The following OSBP variants were observed in gnomAD, a reference collection of about 807,000 sequenced individuals.
OSBP encodes the protein oxysterol-binding protein 1.
OSBP carries 32 observed loss-of-function variants against 96.6 expected under a neutral mutation model. That is an observed-to-expected ratio of 0.33 (90% CI 0.25 to 0.45). OSBP has a LOEUF of 0.45. Among genes scored for constraint, OSBP ranks in the 20% least tolerant of loss-of-function variants. The probability of loss-of-function intolerance (pLI) is 1.00; values close to 1 mark genes in which losing one functional copy is unlikely to be tolerated. For synonymous variants in OSBP, 369 were observed against 389.6 expected, an observed-to-expected ratio of 0.95 and a Z score of 0.62; for missense variants, 653 against 1,029.7, an observed-to-expected ratio of 0.63 and a Z score of 5.01.
intron 8 of OSBP, 94 bp from the exon 9 acceptor site, chr11:59,593,818 C>T (rs887714657): frequency 7.8e-6 from 12 of 1,529,748 alleles, no homozygotes; most frequent in Middle Eastern, 2.0e-4. Context: ...TCACACTTGA[C>T]GTTTTTACAC....
chr11:59,588,669 AATGGGTAAGGTGCTAAATTTT>A (rs1860533428), intron 9 of OSBP, among the ~76,000 whole-genome samples: 2 of 152,186 alleles, frequency 1.3e-5, no homozygotes, highest in Admixed American at 1.3e-4. Flanking sequence ...TACACTTAAG[AATGGGTAAGGTGCTAAATTTT>A]ATGTTATGTG....
chr11:59,576,514 G>T lies in OSBP; in HGVS notation c.*63C>A. 1 of 1,538,770 alleles carries T rather than the reference G, an allele frequency of 6.5e-7. No individual in the cohort carries two copies. Among genetic ancestry groups the T allele is most frequent in the Non-Finnish European group, 8.8e-7 (1 of 1,137,256 alleles). On this transcript the variant is annotated 3_prime_UTR_variant, in exon 14 of 14. Transcript: ENST00000263847. ...CTTGGTAAGAGAGTCACAACTTCCA[G>T]CTTTCCCACACATCCTCTGTCCTCT...
chr11:59,582,526 C>T (rs1314573777), intron 9 of OSBP, among the ~76,000 whole-genome samples: 1 of 152,120 alleles, frequency 6.6e-6, no homozygotes, highest in Non-Finnish European at 1.5e-5. Context: ...TTTGGCTGGC[C>T]CTGATTTGTA....
intron 1 of OSBP, among the ~76,000 whole-genome samples, chr11:59,611,339 T>C (rs1860845110): frequency 6.6e-6 from 1 of 152,138 alleles, no homozygotes; most frequent in Non-Finnish European, 1.5e-5. Context: ...CCTTTTGCAG[T>C]CAGGAATTAT....
chr11:59,586,277 C>T (rs1342582071), intron 9 of OSBP, among the ~76,000 whole-genome samples: 1 of 150,728 alleles, frequency 6.6e-6, no homozygotes, highest in South Asian at 2.1e-4. Context: ...TTCTATTATA[C>T]ATTAACAATG....
Position 59,615,718 on chromosome 11 carries a change from C to G in OSBP, c.-54G>C, listed in dbSNP as rs1392951600. On this transcript the variant is annotated 5_prime_UTR_variant, in exon 1 of 14. Transcript: ENST00000263847. ...CGGAACCGCCTACGAGAGCCGCCGT[C>G]GCCGCCCGGAGCGCCCCACACGGCT... 8.0e-7 allele frequency: 1 copy of G among 1,253,660 alleles called. No individual in the cohort carries two copies. The highest frequency in any genetic ancestry group is 1.0e-6 in the Non-Finnish European group (1 of 999,600). 77.7% of individuals were successfully genotyped at this position (1,253,660 alleles called of 1,614,324 possible). A position where few individuals can be genotyped will look rare whatever the true frequency, so the allele number is the denominator to read the frequency against.
chr11:59,597,132 C>T (rs1203004964), intron 7 of OSBP, among the ~76,000 whole-genome samples: 1 of 152,086 alleles, frequency 6.6e-6, no homozygotes, highest in Non-Finnish European at 1.5e-5. Flanking sequence ...AATCTTGGCT[C>T]ACTGCAATCT....
Position 59,576,476 on chromosome 11 carries a change from C to T in OSBP, c.*101G>A, listed in dbSNP as rs1415478594. ...AAAATGATTGGTCAAGAGAGACAAA[C>T]TTGAGGAAAGCACTTGGTAAGAGAG... On this transcript the variant is annotated 3_prime_UTR_variant, in exon 14 of 14. Transcript: ENST00000263847. The T allele has an allele frequency of 6.8e-6, 9 of 1,326,298 alleles. No homozygotes were observed. The highest frequency in any genetic ancestry group is 5.8e-5 in the African/African-American group (4 of 68,496). 82.2% of individuals were successfully genotyped at this position (1,326,298 alleles called of 1,614,324 possible).
At chr11:59,603,536 T>G (rs1323217845) in intron 3 of OSBP, among the ~76,000 whole-genome samples, 10 of 146,586 alleles carry the variant, frequency 6.8e-5, no homozygotes, top group South Asian at 6.7e-4. Context: ...TCAGTTTTTT[T>G]TTTTTTTTTT....
At chr11:59,584,887 T>C (rs938251291) in intron 9 of OSBP, among the ~76,000 whole-genome samples, 1 of 152,022 alleles carries the variant, frequency 6.6e-6, no homozygotes, top group Non-Finnish European at 1.5e-5. Context: ...TATGTGAACA[T>C]GCTAAGAATT....
chr11:59,611,620 G>A (rs1211154765), intron 1 of OSBP, among the ~76,000 whole-genome samples: 1 of 152,170 alleles, frequency 6.6e-6, no homozygotes, highest in Non-Finnish European at 1.5e-5. Context: ...GAAGTAAAAA[G>A]GAATCACCAA....
At chr11:59,591,997 C>T (rs1302491859) in intron 9 of OSBP, among the ~76,000 whole-genome samples, 1 of 152,142 alleles carries the variant, frequency 6.6e-6, no homozygotes, top group Non-Finnish European at 1.5e-5. Context: ...CTGTACCTAA[C>T]CACCCATGGA....
intron 1 of OSBP, among the ~76,000 whole-genome samples, chr11:59,611,468 C>A (rs186295149): frequency 8.5e-4 from 130 of 152,270 alleles, no homozygotes; most frequent in African/African-American, 3.0e-3. Context: ...TGTAACTCAG[C>A]CCAAATGAGA....
Position 59,581,519 on chromosome 11 carries a change from G to A in OSBP, c.1714C>T (p.His572Tyr). 1 of 1,612,542 alleles carries A rather than the reference G, an allele frequency of 6.2e-7. No homozygotes were observed. Among genetic ancestry groups the A allele is most frequent in the Non-Finnish European group, 8.5e-7 (1 of 1,178,720 alleles). Residue 572 changes from histidine (H) to tyrosine (Y), a missense_variant, in exon 10 of 14, where the codon CAC becomes TAC. Around this residue, in one of 6 missense-constraint regions of OSBP, gnomAD observed 19 missense variants for 16.1 expected, o/e 1.18. Coordinates refer to ENST00000263847, the MANE Select transcript of OSBP (RefSeq NM_002556.3). ...GTGGTAACTTTCTTCCAAGTGTAGT[G>A]GTGCCCAGTTGCATGGAAAATACAA... is the stretch of plus-strand genomic sequence containing the variant. ...IHCIFHATGHHYTWKKVTTTV... is the reference protein window; with the variant it reads ...IHCIFHATGHYYTWKKVTTTV...
At chr11:59,577,888 C>T (rs1362573674) in intron 12 of OSBP, among the ~76,000 whole-genome samples, 1 of 152,192 alleles carries the variant, frequency 6.6e-6, no homozygotes, top group Non-Finnish European at 1.5e-5. Flanking sequence ...GAAAAATACC[C>T]TTCTGAATCA....
At chr11:59,607,427 T>C (rs1027580327) in intron 3 of OSBP, among the ~76,000 whole-genome samples, 2 of 152,174 alleles carry the variant, frequency 1.3e-5, no homozygotes, top group Non-Finnish European at 2.9e-5. Flanking sequence ...CTGAAGATAG[T>C]GTTAAACATA....
At chr11:59,592,900 A>C (rs1270605347) in intron 9 of OSBP, among the ~76,000 whole-genome samples, 1 of 151,870 alleles carries the variant, frequency 6.6e-6, no homozygotes, top group Non-Finnish European at 1.5e-5. Flanking sequence ...GGTTCAAGCA[A>C]TTCTTGTGCC....
In OSBP at chr11:59,615,695, G is replaced by C. The variant is rs1027037171; in HGVS notation, c.-31C>G. On this transcript the variant is annotated 5_prime_UTR_variant, in exon 1 of 14. Transcript: ENST00000263847. ...GCCGCCGCCTGGAGATACAAGACCG[G>C]AACCGCCTACGAGAGCCGCCGTCGC... 4 of 1,284,598 alleles carry C rather than the reference G, an allele frequency of 3.1e-6. No individual in the cohort carries two copies. The highest frequency in any genetic ancestry group is 7.9e-5 in the Admixed American group (2 of 25,346). The allele number at this position is 1,284,598 out of a possible 1,614,324, so 79.6% of individuals were successfully genotyped here.
rs1168975593 is a variant in OSBP at position 59,601,272 on chromosome 11, G to C, written c.1124+11C>G. On this transcript the variant is annotated intron_variant, in intron 5 of 13. Coordinates refer to ENST00000263847, the MANE Select transcript of OSBP (RefSeq NM_002556.3). ...TATGTTTATTTGCTTCAACAATCAA[G>C]GATAACTCACTTGTGGCCCAAATTT... The C allele has an allele frequency of 4.7e-6, 7 of 1,479,344 alleles. No homozygotes were observed. Among genetic ancestry groups the C allele is most frequent in the South Asian group, 2.3e-5 (2 of 88,260 alleles). The allele number at this position is 1,479,344 out of a possible 1,614,324, so 91.6% of individuals were successfully genotyped here.
Sources: allele counts gnomAD v4.1 joint callset (sites outside exome capture counted in the v4.1 genomes callset), GRCh38; gene constraint gnomAD v4.1.1; regional missense constraint gnomAD v4.1.1; transcripts MANE v1.5; gene names NCBI Gene and HGNC (gene_info 2026-07-23, HGNC 2026-07-21).